BAG6: variants seen among roughly 807,000 people sequenced by gnomAD.
BAG6 encodes the protein large proline-rich protein BAG6.
BAG6 carries 22 observed loss-of-function variants against 121.0 expected under a neutral mutation model. The observed-to-expected ratio is 0.18, with a 90% confidence interval of 0.13 to 0.26. BAG6 has a LOEUF of 0.26. Among genes scored for constraint, BAG6 ranks in the 10% least tolerant of loss-of-function variants. BAG6 has a pLI of 1.00. For missense variants in BAG6, 1,233 were observed against 1,537.7 expected, an observed-to-expected ratio of 0.80 and a Z score of 3.31; for synonymous variants, 583 against 584.6, an observed-to-expected ratio of 1.00 and a Z score of 0.04.
At chr6:31,643,189 G>T in intron 14 of BAG6, 74 bp from the exon 15 acceptor site, 1 of 1,460,864 alleles carries the variant, frequency 6.8e-7, no homozygotes, top group Non-Finnish European at 9.1e-7. Context: ...ACTTTGGGAG[G>T]CCAAGGCATG....
At position 31,641,486 on chromosome 6, in the gene BAG6, C is replaced by A; in HGVS notation, c.2559+53G>T. 1.2e-6 allele frequency: 2 copies of A among 1,613,940 alleles called. No individual in the cohort carries two copies. On this transcript the variant is annotated intron_variant, in intron 18 of 25. Coordinates refer to ENST00000676615, the MANE Select transcript of BAG6 (RefSeq NM_001387994.1). The surrounding 1 kb of genome is among the most constrained non-coding windows in gnomAD (Gnocchi z 5.7). Reference sequence around the variant, plus strand: ...ATCATAAGACTGGGAGTGGAGGAGGCAGCTGCCTTGACCAGACCCAGGAGA... The same window carrying A: ...ATCATAAGACTGGGAGTGGAGGAGGAAGCTGCCTTGACCAGACCCAGGAGA...
chr6:31,645,734 A>T, intron 8 of BAG6, 130 bp from the exon 9 acceptor site: 1 of 1,072,922 alleles, frequency 9.3e-7, no homozygotes. Flanking sequence ...TTGGAAGTTT[A>T]CATGTAGACC....
At position 31,643,813 on chromosome 6, in the gene BAG6, T is replaced by C. The variant is rs1183796180; in HGVS notation, c.1756+77A>G. The C allele has an allele frequency of 2.9e-6, 4 of 1,384,490 alleles. No individual in the cohort carries two copies. The African/African-American group carries it at 4.8e-5, about 17-fold the overall frequency. The allele number at this position is 1,384,490 out of a possible 1,614,324, so 85.8% of individuals were successfully genotyped here. ...CAGGAAAGCAGGAACCAAGAAAATA[T>C]GGAAAGAACTGGAAAGTGCCAGTGA... On this transcript the variant is annotated intron_variant, in intron 14 of 25. Transcript: ENST00000676615.
At chr6:31,643,779 G>GC in intron 14 of BAG6, 111 bp downstream of exon 14, 1 of 640,614 alleles carries the variant, frequency 1.6e-6, no homozygotes, top group Non-Finnish European at 2.5e-6. Context: ...CACTACAGCA[G>GC]CCCCATTCCA....
In BAG6 at chr6:31,644,175, G is replaced by A. The variant is rs2150805586; in HGVS notation, c.1575C>T (p.Phe525=). The A allele has an allele frequency of 6.2e-7, 1 of 1,613,752 alleles. No homozygotes were observed. The highest frequency in any genetic ancestry group is 8.5e-7 in the Non-Finnish European group (1 of 1,179,926). ...TCACCACCCGGGTTGGAGCTGTTGGGAAGCCTGGCACCTGCTGTCCTGTGG... is the reference window on the plus strand; with the variant it reads ...TCACCACCCGGGTTGGAGCTGTTGGAAAGCCTGGCACCTGCTGTCCTGTGG... ...SAAAGQQVPG[F]PTAPTRVVIA... is the part of the protein sequence containing the mutation. The change falls in exon 13 of 26, where the codon TTC becomes TTT. Residue 525 remains phenylalanine, a synonymous_variant. Coordinates refer to ENST00000676615, the MANE Select transcript of BAG6 (RefSeq NM_001387994.1). The surrounding 1 kb of genome is among the most constrained non-coding windows in gnomAD (Gnocchi z 4.9).
chr6:31,641,305 T>A lies in BAG6; in HGVS notation c.2662+15A>T. 3 of 1,613,962 alleles carry A rather than the reference T, an allele frequency of 1.9e-6. No homozygotes were observed. The highest frequency in any genetic ancestry group is 2.5e-6 in the Non-Finnish European group (3 of 1,179,806). On this transcript the variant is annotated intron_variant, in intron 19 of 25. Transcript: ENST00000676615. The surrounding 1 kb of genome is among the most constrained non-coding windows in gnomAD (Gnocchi z 5.7). The stretch of plus-strand genomic sequence containing the variant: ...GCAACAGGCCCCACTTGCCCCCGCC[T>A]GGCCAGCCCCTGACCTGTGCAATGC...
At chr6:31,642,557 AT>A in intron 15 of BAG6, 154 bp from the exon 16 acceptor site, 1 of 631,388 alleles carries the variant, frequency 1.6e-6, no homozygotes, top group Non-Finnish European at 2.7e-6. Flanking sequence ...TATGGTAGGT[AT>A]TTAACAGAGT....
Position 31,651,657 on chromosome 6 carries a change from T to C in BAG6, c.107A>G (p.Gln36Arg). The C allele has an allele frequency of 6.2e-7, 1 of 1,612,974 alleles. No homozygotes were observed. Among genetic ancestry groups the C allele is most frequent in the Non-Finnish European group, 8.5e-7 (1 of 1,179,926 alleles). ...SQTRTFIVGA[Q>R]MNVKEFKEHI... ...TCCAGAACTAGTGAGGTGTCTCACC[T>C]GGGCCCCCACAATAAAGGTACGAGT... Residue 36 changes from glutamine (Q) to arginine (R), a missense_variant and splice_region_variant, in exon 2 of 26, where the codon CAG becomes CGG. Gln to Arg is a conservative substitution (Grantham distance 43). This residue lies in a region of BAG6 where 28 missense variants were observed against 24.5 expected (regional missense o/e 1.14). Transcript: ENST00000676615.
intron 1 of BAG6, 128 bp downstream of exon 1, chr6:31,652,296 A>G (rs897882381): frequency 6.3e-6 from 1 of 159,142 alleles, no homozygotes; most frequent in Non-Finnish European, 1.4e-5. Context: ...GTTCCAGCAG[A>G]ACGGCACAAC....
chr6:31,651,951 G>A, intron 1 of BAG6, 175 bp from the exon 2 acceptor site: 1 of 554,658 alleles, frequency 1.8e-6, no homozygotes, highest in Non-Finnish European at 3.3e-6. Flanking sequence ...GAAACACAAA[G>A]GGCAGGAGAT....
rs771969344 is a variant in BAG6 at position 31,640,358 on chromosome 6, C to T, written c.3138+27G>A. The T allele has an allele frequency of 1.7e-5, 28 of 1,614,092 alleles. No homozygotes were observed. In the African/African-American group the frequency reaches 1.9e-4, roughly 11 times the overall value. ...TGTCCTTGACTTTCAGCTGCCATGA[C>T]CCACTGGATTACTTCCTGACACTTA... On this transcript the variant is annotated intron_variant, in intron 23 of 25. Transcript: ENST00000676615. This position sits in a 1 kb window ranked among gnomAD's most constrained non-coding sequence, Gnocchi z 4.2.
At position 31,641,790 on chromosome 6, in the gene BAG6, G is replaced by A. The variant is rs767300755; in HGVS notation, c.2491C>T (p.Pro831Ser). The A allele has an allele frequency of 1.2e-6, 2 of 1,613,108 alleles. No homozygotes were observed. Among genetic ancestry groups the A allele is most frequent in the Admixed American group, 1.7e-5 (1 of 59,998 alleles). The change falls in exon 17 of 26, where the codon CCC (proline) becomes TCC (serine). Residue 831 changes from proline to serine, a missense_variant. By Grantham distance (74) the Pro-to-Ser change is moderately conservative. Around this residue, in one of 7 missense-constraint regions of BAG6, gnomAD observed 288 missense variants for 483.1 expected, o/e 0.60. Coordinates refer to ENST00000676615, the MANE Select transcript of BAG6 (RefSeq NM_001387994.1). The surrounding 1 kb of genome is among the most constrained non-coding windows in gnomAD (Gnocchi z 5.7). ...CCTTCATTTACCCGGATGTTACTGG[G>A]TGTGGGCTCCTGACCACCCAGGTAG... ...QHYLGGQEPT[P>S]SNIRMATHTL... is the part of the protein sequence containing the mutation.
chr6:31,639,500 C>A lies in BAG6; in HGVS notation c.3393G>T (p.Gln1131His). Residue 1131 changes from glutamine (Q) to histidine (H), a missense_variant and splice_region_variant, in exon 25 of 26, where the codon CAG becomes CAT. Physicochemically the swap from Gln to His is conservative, Grantham distance 24. Transcript: ENST00000676615. ...APEVQESYRQ[Q>H]LRSDIQKRLQ... ...TCCCTATTCTGCTTCAAGGTGGCAC[C>A]TGCTGCCTGTAGCTCTCCTGAACCT... is the stretch of plus-strand genomic sequence containing the variant. The A allele has an allele frequency of 6.2e-7, 1 of 1,612,904 alleles. No individual in the cohort carries two copies. The highest frequency in any genetic ancestry group is 8.5e-7 in the Non-Finnish European group (1 of 1,179,142).
rs1196978365 is a variant in BAG6, at chr6:31,649,235, G to A, written c.387C>T (p.Ala129=). 16 of 1,613,058 alleles carry A rather than the reference G, an allele frequency of 9.9e-6. No homozygotes were observed. The highest frequency in any genetic ancestry group is 1.2e-5 in the Non-Finnish European group (14 of 1,180,032). ...GPGASVHDRN[A]NSYVMVGTFN... ...AGGTTCCAACCATGACATAGCTGTTGGCATTCCGGTCATGAACAGAGGCCC... is the reference window on the plus strand; with the variant it reads ...AGGTTCCAACCATGACATAGCTGTTAGCATTCCGGTCATGAACAGAGGCCC... The change falls in exon 4 of 26, where the codon GCC becomes GCT. Residue 129 remains alanine, a synonymous_variant. Coordinates refer to ENST00000676615, the MANE Select transcript of BAG6 (RefSeq NM_001387994.1).
intron 7 of BAG6, 95 bp downstream of exon 7, chr6:31,647,496 A>G: frequency 1.3e-6 from 2 of 1,565,162 alleles, no homozygotes; most frequent in Non-Finnish European, 1.7e-6. Flanking sequence ...TAAGACCTCC[A>G]AGTAATCCTT....
rs999203738 is a variant in BAG6 at position 31,645,064 on chromosome 6, T to G, written c.1251A>C (p.Ser417=). ...VAPSSTNVES[S]AEGAPPPGPA... ...GACCTGGCGGGGGAGCCCCCTCAGC[T>G]GAGGACTCGACATTGGTAGAAGACG... Residue 417 remains serine, a synonymous_variant, in exon 10 of 26, where the codon TCA becomes TCC. Coordinates refer to ENST00000676615, the MANE Select transcript of BAG6 (RefSeq NM_001387994.1). 6.2e-7 allele frequency: 1 copy of G among 1,612,758 alleles called. No individual in the cohort carries two copies. The highest frequency in any genetic ancestry group is 1.3e-5 in the African/African-American group (1 of 74,912).
At position 31,640,452 on chromosome 6, in the gene BAG6, C is replaced by T. The variant is rs748157708; in HGVS notation, c.3071G>A (p.Gly1024Glu). The T allele has an allele frequency of 6.2e-7, 1 of 1,613,576 alleles. No individual in the cohort carries two copies. The highest frequency in any genetic ancestry group is 8.5e-7 in the Non-Finnish European group (1 of 1,180,034). Residue 1024 changes from glycine (G) to glutamate (E), a missense_variant, in exon 23 of 26, where the codon GGG (glycine) becomes GAG (glutamate). Transcript: ENST00000676615. This position sits in a 1 kb window ranked among gnomAD's most constrained non-coding sequence, Gnocchi z 4.2. ...TCCATCCTGTTCATCCCGGGAGCCC[C>T]CCTCAGGAGCAGGAGGTGGACCTCG... ...MSRGPPPAPE[G>E]GSRDEQDGAS...
chr6:31,644,395 C>A lies in BAG6; in HGVS notation c.1467G>T (p.Leu489=). ...GCATGAACTCAGGGGGCAGGGAGGG[C>A]AGCTGGATGAGGGTGGAGCCTGGGG... The part of the protein sequence containing the change: ...GQTLGSTLIQ[L]PSLPPEFMHA... The change falls in exon 12 of 26, where the codon CTG becomes CTT. Residue 489 remains leucine (L), a synonymous_variant. Transcript: ENST00000676615. This position sits in a 1 kb window ranked among gnomAD's most constrained non-coding sequence, Gnocchi z 4.9. 6.4e-7 allele frequency: 1 copy of A among 1,551,722 alleles called. No homozygotes were observed.
chr6:31,643,795 G>A (rs966350569), intron 14 of BAG6, 95 bp downstream of exon 14: 30 of 1,122,384 alleles, frequency 2.7e-5, no homozygotes, highest in African/African-American at 1.4e-4. Context: ...TTCCAGGAAA[G>A]CAGGAACCAA....
Sources: allele counts gnomAD v4.1 joint callset, GRCh38; gene constraint gnomAD v4.1.1; regional missense constraint gnomAD v4.1.1; non-coding constraint Gnocchi (gnomAD v3.1); transcripts MANE v1.5; gene names NCBI Gene and HGNC (gene_info 2026-07-23, HGNC 2026-07-21).